SCFD2: variants seen among roughly 807,000 people sequenced by gnomAD.
SCFD2 encodes the protein sec1 family domain-containing protein 2.
Under a neutral mutation model 58.9 loss-of-function variants are expected in SCFD2, and 54 were observed. The observed-to-expected ratio is 0.92, with a 90% CI of 0.74 to 1.15. SCFD2 has a LOEUF of 1.15. SCFD2 is among the 50% of genes most tolerant of loss of function. The probability of loss-of-function intolerance (pLI) is 0.00; values close to 1 mark genes in which losing one functional copy is unlikely to be tolerated. For synonymous variants in SCFD2, 321 were observed against 335.9 expected, an observed-to-expected ratio of 0.96 and a Z score of 0.49; for missense variants, 805 against 836.6, an observed-to-expected ratio of 0.96 and a Z score of 0.47.
intron 5 of SCFD2, among the ~76,000 whole-genome samples, chr4:53,087,656 C>T (rs1308287350): frequency 7.2e-6 from 1 of 137,982 alleles, no homozygotes; most frequent in Non-Finnish European, 1.6e-5. Flanking sequence ...TTTTCTTTTT[C>T]CTTTTTTTTT....
intron 1 of SCFD2, among the ~76,000 whole-genome samples, chr4:53,357,105 G>T (rs1044195321): frequency 6.6e-6 from 1 of 151,994 alleles, no homozygotes; most frequent in Non-Finnish European, 1.5e-5. Flanking sequence ...TTGAGTAATA[G>T]ATAATATGTA....
chr4:53,272,163 C>A (rs1577919492), intron 4 of SCFD2, among the ~76,000 whole-genome samples: 1 of 152,174 alleles, frequency 6.6e-6, no homozygotes, highest in Admixed American at 6.5e-5. Context: ...GATACCATCT[C>A]ACACCAGTTA....
intron 4 of SCFD2, among the ~76,000 whole-genome samples, chr4:53,224,922 A>C (rs769105777): frequency 2.0e-5 from 3 of 152,124 alleles, no homozygotes; most frequent in African/African-American, 4.8e-5. Context: ...TTTTCATGAG[A>C]ATAAACTCTC....
intron 3 of SCFD2, among the ~76,000 whole-genome samples, chr4:53,293,548 T>G (rs971430867): frequency 2.6e-5 from 4 of 152,164 alleles, no homozygotes; most frequent in African/African-American, 9.7e-5. Flanking sequence ...TCTCAAATGA[T>G]GCAAAAAAAG....
chr4:53,002,096 G>A (rs1470176858), intron 5 of SCFD2, among the ~76,000 whole-genome samples: 3 of 152,314 alleles, frequency 2.0e-5, no homozygotes, highest in Admixed American at 1.3e-4. Flanking sequence ...GAGAAGGGAA[G>A]AGGAAGGTCA....
At chr4:53,167,844 G>C (rs1346165965) in intron 4 of SCFD2, among the ~76,000 whole-genome samples, 3 of 152,012 alleles carry the variant, frequency 2.0e-5, no homozygotes, top group Non-Finnish European at 4.4e-5. Flanking sequence ...AAATTTTCAA[G>C]GTTAATTATG....
chr4:52,973,344 C>A (rs1447592653), intron 5 of SCFD2, among the ~76,000 whole-genome samples: 2 of 152,160 alleles, frequency 1.3e-5, no homozygotes, highest in South Asian at 2.1e-4. Flanking sequence ...GATATCACTA[C>A]CGATCCCATA....
At chr4:53,087,682 C>T (rs561951688) in intron 5 of SCFD2, among the ~76,000 whole-genome samples, 21 of 116,814 alleles carry the variant, frequency 1.8e-4, no homozygotes, top group South Asian at 2.8e-4. Context: ...TTTTTTGAGA[C>T]GGAGTCTCGC....
intron 1 of SCFD2, among the ~76,000 whole-genome samples, chr4:53,358,032 T>A (rs1428853678): frequency 6.6e-6 from 1 of 152,204 alleles, no homozygotes; most frequent in Non-Finnish European, 1.5e-5. Flanking sequence ...CAAAAATTAT[T>A]GTGAAAATTA....
At chr4:53,345,012 GC>G (rs1366948563) in intron 2 of SCFD2, among the ~76,000 whole-genome samples, 16 of 152,126 alleles carry the variant, frequency 1.1e-4, no homozygotes, top group Admixed American at 7.2e-4. Context: ...GAAAACCTAG[GC>G]AATACCATTC....
At chr4:52,901,045 CCTTT>C (rs1719184987) in intron 7 of SCFD2, among the ~76,000 whole-genome samples, 1 of 152,340 alleles carries the variant, frequency 6.6e-6, no homozygotes, top group Admixed American at 6.5e-5. Flanking sequence ...GTCTGTCACC[CCTTT>C]CTTTGACTAG....
At chr4:53,341,110 A>C (rs1041599833) in intron 2 of SCFD2, among the ~76,000 whole-genome samples, 8 of 152,226 alleles carry the variant, frequency 5.3e-5, no homozygotes, top group African/African-American at 1.9e-4. Context: ...CTGGACAGAC[A>C]ATGACTGACA....
At chr4:53,012,253 A>G (rs1175523735) in intron 5 of SCFD2, among the ~76,000 whole-genome samples, 2 of 152,158 alleles carry the variant, frequency 1.3e-5, no homozygotes, top group African/African-American at 4.8e-5. Flanking sequence ...GAACAACTGC[A>G]TATTTAGCCC....
At chr4:52,901,538 T>A (rs1026846557) in intron 7 of SCFD2, among the ~76,000 whole-genome samples, 2 of 152,192 alleles carry the variant, frequency 1.3e-5, no homozygotes, top group African/African-American at 4.8e-5. Flanking sequence ...GGAAAGAAAC[T>A]GAGGCCCCTC....
chr4:53,251,361 G>C (rs1312474504), intron 4 of SCFD2, among the ~76,000 whole-genome samples: 1 of 152,060 alleles, frequency 6.6e-6, no homozygotes, highest in African/African-American at 2.4e-5. Flanking sequence ...GAAAAAGAGG[G>C]AATCCTCCCT....
At chr4:52,992,507 G>C (rs1051621100) in intron 5 of SCFD2, among the ~76,000 whole-genome samples, 5 of 151,980 alleles carry the variant, frequency 3.3e-5, no homozygotes, top group African/African-American at 9.7e-5. Flanking sequence ...GATGTGAGGA[G>C]CCCCTCTGCC....
At chr4:53,259,212 T>C (rs1166868429) in intron 4 of SCFD2, among the ~76,000 whole-genome samples, 2 of 152,256 alleles carry the variant, frequency 1.3e-5, no homozygotes, top group East Asian at 1.9e-4. Context: ...GTGCAGAAGC[T>C]TTTTAGTTTA....
intron 3 of SCFD2, among the ~76,000 whole-genome samples, chr4:53,295,336 T>A (rs2149090706): frequency 1.3e-5 from 2 of 152,238 alleles, no homozygotes; most frequent in South Asian, 4.1e-4. Context: ...GTTTTTGTGA[T>A]CCTTGAAGAG....
rs532437035 is a variant in SCFD2, at chr4:53,046,674, G to A, written c.1561+98659C>T. ...AACAAAGCTACGTGTTTTTGTTGTT[G>A]TTTTTTTCTTTGAGACAGAGCCTTG... On this transcript the variant is annotated intron_variant, in intron 5 of 8. Transcript: ENST00000401642. Among the ~76,000 whole-genome samples, 3 of 151,834 alleles carry A rather than the reference G, an allele frequency of 2.0e-5. No individual in the cohort carries two copies. In the East Asian group the frequency reaches 5.8e-4, roughly 29 times the overall value.
Sources: allele counts gnomAD v4.1 joint callset (sites outside exome capture counted in the v4.1 genomes callset), GRCh38; gene constraint gnomAD v4.1.1; transcripts MANE v1.5; gene names NCBI Gene and HGNC (gene_info 2026-07-23, HGNC 2026-07-21).